The following PDE1A variants were observed in gnomAD, a reference collection of about 807,000 sequenced individuals.
The protein encoded by PDE1A is phosphodiesterase 1A, also known as dual specificity calcium/calmodulin-dependent 3',5'-cyclic nucleotide phosphodiesterase 1A.
A neutral mutation model predicts 61.7 loss-of-function variants in PDE1A; 35 were observed. The ratio of observed to expected loss-of-function variants is 0.57; its 90% CI spans 0.43 to 0.75. The LOEUF is 0.75. PDE1A is among the 30% of genes least tolerant of loss of function. The pLI is 0.00. For synonymous variants in PDE1A, 232 were observed against 213.2 expected (o/e 1.09, Z -0.77); for missense variants, 597 against 630.6 (o/e 0.95, Z 0.57).
At chr2:182,477,066 T>C (rs1458538561) in intron 2 of PDE1A, among the ~76,000 whole-genome samples, 2 of 151,854 alleles carry the variant, frequency 1.3e-5, no homozygotes, top group African/African-American at 2.4e-5. Context: ...GGCTATGACA[T>C]CAAAAAACAA....
intron 1 of PDE1A, among the ~76,000 whole-genome samples, chr2:182,360,252 T>G (rs1699422395): frequency 6.6e-6 from 1 of 152,142 alleles, no homozygotes; most frequent in Non-Finnish European, 1.5e-5. Context: ...GTGGAAGAAC[T>G]GTTGTGTTTT....
the PDE1A span, among the ~76,000 whole-genome samples, chr2:182,615,330 A>G: frequency 6.6e-6 from 1 of 152,186 alleles, no homozygotes; most frequent in Non-Finnish European, 1.5e-5. Context: ...TGTAAAACCC[A>G]GCTAAAATGA....
intron 1 of PDE1A, among the ~76,000 whole-genome samples, chr2:182,341,674 G>C (rs936653675): frequency 1.3e-5 from 2 of 152,176 alleles, no homozygotes; most frequent in African/African-American, 4.8e-5. Context: ...GCAATTGATA[G>C]GGAGAAAGCT....
the PDE1A span, among the ~76,000 whole-genome samples, chr2:182,615,446 C>G: frequency 6.6e-6 from 1 of 152,066 alleles, no homozygotes; most frequent in Admixed American, 6.6e-5. Context: ...GAAGATAAAA[C>G]TGCAACACTT....
intron 1 of PDE1A, among the ~76,000 whole-genome samples, chr2:182,363,630 G>C (rs78367857): frequency 0.024 from 3,635 of 152,124 alleles, 205 homozygotes; most frequent in East Asian, 0.22. Flanking sequence ...TTTGTTTGAG[G>C]AAGAGTGAAA....
the PDE1A span, among the ~76,000 whole-genome samples, chr2:182,569,492 C>T: frequency 6.6e-6 from 1 of 152,002 alleles, no homozygotes; most frequent in Non-Finnish European, 1.5e-5. Context: ...GCTCATTGAG[C>T]TCCTTGGGCG....
chr2:182,162,880 C>T (rs894226590), intron 13 of PDE1A, among the ~76,000 whole-genome samples: 1 of 152,156 alleles, frequency 6.6e-6, no homozygotes, highest in South Asian at 2.1e-4. Context: ...ACAGACTTAG[C>T]AGCAGACAGA....
chr2:182,208,688 G>C (rs1687321934), intron 7 of PDE1A, among the ~76,000 whole-genome samples: 1 of 152,214 alleles, frequency 6.6e-6, no homozygotes, highest in Non-Finnish European at 1.5e-5. Context: ...GAGTGCCCAA[G>C]GCCGTAGGAG....
At chr2:182,695,122 G>A in the PDE1A span, among the ~76,000 whole-genome samples, 5 of 151,484 alleles carry the variant, frequency 3.3e-5, no homozygotes, top group South Asian at 2.1e-4. Context: ...TTTATTCCTC[G>A]CATTATTTAA....
rs183699771 is a variant in PDE1A, at chr2:182,239,590, C to T, written c.350+520G>A. On this transcript the variant is annotated intron_variant, in intron 3 of 13. Transcript: ENST00000351439. ...TCTAGGGGCCATCAAATATCCCTTG[C>T]TTCAGTGACAGAAATGTTGAAAAAA... Among the ~76,000 whole-genome samples, 284 of 140,614 alleles carry T rather than the reference C, an allele frequency of 2.0e-3. 2 individuals carry two copies. The highest frequency in any genetic ancestry group is 3.4e-3 in the Non-Finnish European group (225 of 65,536). The allele number at this position is 140,614 out of a possible 152,430, so 92.2% of individuals were successfully genotyped here.
intron 1 of PDE1A, among the ~76,000 whole-genome samples, chr2:182,374,695 G>A (rs1700297271): frequency 6.6e-6 from 1 of 152,098 alleles, no homozygotes; most frequent in South Asian, 2.1e-4. Context: ...AGACACACAA[G>A]TGGTGAATAA....
intron 2 of PDE1A, among the ~76,000 whole-genome samples, chr2:182,494,553 C>T (rs1001783721): frequency 4.2e-5 from 6 of 143,258 alleles, no homozygotes; most frequent in Non-Finnish European, 9.1e-5. Flanking sequence ...TGTCCCTTCA[C>T]ACTCTCTGGA....
the PDE1A span, among the ~76,000 whole-genome samples, chr2:182,555,672 A>C: frequency 6.6e-6 from 1 of 152,082 alleles, no homozygotes; most frequent in Non-Finnish European, 1.5e-5. Context: ...ATTCTTTAAG[A>C]ATGTCATTGT....
At chr2:182,185,053 T>C (rs1685091551) in intron 13 of PDE1A, among the ~76,000 whole-genome samples, 1 of 152,230 alleles carries the variant, frequency 6.6e-6, no homozygotes, top group Non-Finnish European at 1.5e-5. Flanking sequence ...TTTAACACTC[T>C]ATTTTGATCT....
the PDE1A span, among the ~76,000 whole-genome samples, chr2:182,700,923 A>G: frequency 6.6e-6 from 1 of 151,938 alleles, no homozygotes; most frequent in Admixed American, 6.6e-5. Flanking sequence ...TCACACACAC[A>G]CGCAAAAAAA....
At position 182,426,883 on chromosome 2, in the gene PDE1A, T is replaced by A. The variant is rs1559452612; in HGVS notation, c.-253A>T. On this transcript the variant is annotated 5_prime_UTR_variant, in exon 1 of 14. An upstream open reading frame in the 5' UTR loses its in-frame stop. Coordinates refer to ENST00000351439, the Ensembl canonical transcript of PDE1A. ...CAGGGTGTGCAAAAACCACCAAGAGTCACGTTGATCCAGGCAAGAGAAGTG... is the reference window on the plus strand; with the variant it reads ...CAGGGTGTGCAAAAACCACCAAGAGACACGTTGATCCAGGCAAGAGAAGTG... The A allele has an allele frequency of 1.6e-6, 2 of 1,269,620 alleles. No individual in the cohort carries two copies. Among genetic ancestry groups the A allele is most frequent in the Non-Finnish European group, 2.0e-6 (2 of 1,006,366 alleles). The allele number at this position is 1,269,620 out of a possible 1,614,324, so 78.6% of individuals were successfully genotyped here.
intron 1 of PDE1A, among the ~76,000 whole-genome samples, chr2:182,280,968 G>A (rs1359434224): frequency 1.3e-5 from 2 of 151,774 alleles, no homozygotes; most frequent in African/African-American, 4.8e-5. Context: ...TGGTGCAAAT[G>A]GACATTACCC....
chr2:182,349,273 C>G (rs1698712529), intron 1 of PDE1A, among the ~76,000 whole-genome samples: 1 of 152,200 alleles, frequency 6.6e-6, no homozygotes, highest in Admixed American at 6.5e-5. Context: ...ACAGGATAAA[C>G]ATAGAATCTG....
chr2:182,241,311 A>T (rs1031079574), intron 2 of PDE1A, among the ~76,000 whole-genome samples: 2 of 152,196 alleles, frequency 1.3e-5, no homozygotes, highest in African/African-American at 4.8e-5. Context: ...TTATCTGTGC[A>T]CCAATCTAAA....
Sources: gnomAD v4.1 joint callset for allele counts (sites outside exome capture counted in the v4.1 genomes callset) on GRCh38, gnomAD v4.1.1 for gene constraint, MANE v1.5 for transcripts, NCBI Gene and HGNC (gene_info 2026-07-23, HGNC 2026-07-21) for gene names.